HS3ST5: variants seen among roughly 807,000 people sequenced by gnomAD.
HS3ST5 encodes the protein heparan sulfate-glucosamine 3-sulfotransferase 5, also known as heparan sulfate glucosamine 3-O-sulfotransferase 5.
HS3ST5 carries 10 observed loss-of-function variants against 25.4 expected under a neutral mutation model. That is an observed-to-expected ratio of 0.39 (90% CI 0.24 to 0.67). The LOEUF (loss-of-function observed/expected upper bound fraction) is 0.67, where lower values mean the gene tolerates loss of function less well. Ranked by LOEUF, HS3ST5 falls within the 30% of genes least tolerant of loss-of-function variation. The probability of loss-of-function intolerance (pLI) is 0.44; values close to 1 mark genes in which losing one functional copy is unlikely to be tolerated. For synonymous variants in HS3ST5, 170 were observed against 162.4 expected, an observed-to-expected ratio of 1.05 and a Z score of -0.36; for missense variants, 324 against 420.7, an observed-to-expected ratio of 0.77 and a Z score of 2.01.
At chr6:114,217,427 A>G (rs1781823195) in intron 2 of HS3ST5, among the ~76,000 whole-genome samples, 3 of 152,232 alleles carry the variant, frequency 2.0e-5, no homozygotes, top group African/African-American at 7.2e-5. Flanking sequence ...CTATTCATAT[A>G]TAGTTATATA....
intron 3 of HS3ST5, among the ~76,000 whole-genome samples, chr6:114,157,827 G>GCATTT (rs540558260): frequency 2.4e-4 from 36 of 152,128 alleles, no homozygotes; most frequent in Non-Finnish European, 4.6e-4. Context: ...TGCTTTTTTA[G>GCATTT]CATTACCCCT....
At chr6:114,332,343 G>A (rs1027895019) in intron 1 of HS3ST5, among the ~76,000 whole-genome samples, 5 of 152,032 alleles carry the variant, frequency 3.3e-5, no homozygotes, top group African/African-American at 1.2e-4. Flanking sequence ...TAGCACACTC[G>A]ATACTGTTTG....
intron 3 of HS3ST5, among the ~76,000 whole-genome samples, chr6:114,129,035 A>G (rs984598): frequency 0.28 from 42,618 of 152,064 alleles, 6,713 homozygotes; most frequent in Admixed American, 0.4. Flanking sequence ...TTTATCATAC[A>G]TTTATTAAAC....
At chr6:114,276,378 T>G (rs955301640) in intron 1 of HS3ST5, among the ~76,000 whole-genome samples, 1 of 151,928 alleles carries the variant, frequency 6.6e-6, no homozygotes, top group Non-Finnish European at 1.5e-5. Flanking sequence ...AAAATGTTAT[T>G]TATATATTTA....
chr6:114,164,735 G>A (rs1379372235), intron 3 of HS3ST5, among the ~76,000 whole-genome samples: 1 of 152,066 alleles, frequency 6.6e-6, no homozygotes, highest in East Asian at 1.9e-4. Flanking sequence ...AGAAATTTGG[G>A]TAATTTTCTT....
chr6:114,140,036 T>A (rs1347611995), intron 3 of HS3ST5, among the ~76,000 whole-genome samples: 1 of 152,200 alleles, frequency 6.6e-6, no homozygotes, highest in Non-Finnish European at 1.5e-5. Context: ...AACCACTGGC[T>A]ACACTAGAGA....
chr6:114,200,672 C>G (rs568970780), intron 2 of HS3ST5, among the ~76,000 whole-genome samples: 1 of 151,988 alleles, frequency 6.6e-6, no homozygotes, highest in Non-Finnish European at 1.5e-5. Context: ...TAAAACTGTG[C>G]ACATTTTGAG....
intron 3 of HS3ST5, among the ~76,000 whole-genome samples, chr6:114,144,267 A>G (rs914655573): frequency 6.6e-6 from 1 of 152,184 alleles, no homozygotes; most frequent in African/African-American, 2.4e-5. Flanking sequence ...GCATTCCCAA[A>G]CATTGGCAGA....
At chr6:114,260,152 G>A (rs9488357) in intron 1 of HS3ST5, among the ~76,000 whole-genome samples, 5,857 of 151,606 alleles carry the variant, frequency 0.039, 174 homozygotes, top group African/African-American at 0.083. Flanking sequence ...ATATCATAAT[G>A]TTTCTCTTAT....
chr6:114,241,500 A>C (rs188607859), intron 1 of HS3ST5, among the ~76,000 whole-genome samples: 1 of 152,216 alleles, frequency 6.6e-6, no homozygotes, highest in Non-Finnish European at 1.5e-5. Context: ...AGAGAAAAAC[A>C]ACTTTTCCAT....
chr6:114,178,804 T>C (rs1395524454), intron 2 of HS3ST5: 1 of 152,014 alleles, frequency 6.6e-6, no homozygotes, highest in Non-Finnish European at 1.5e-5. Context: ...AGGAAGCCTT[T>C]AGAAAATAAG....
chr6:114,305,001 C>A (rs148922570), intron 1 of HS3ST5, among the ~76,000 whole-genome samples: 8 of 152,180 alleles, frequency 5.3e-5, no homozygotes, highest in East Asian at 1.9e-4. Context: ...GACAAGTAAT[C>A]ATTTCTTAAA....
At chr6:114,269,150 G>A (rs1042051477) in intron 1 of HS3ST5, among the ~76,000 whole-genome samples, 3 of 152,144 alleles carry the variant, frequency 2.0e-5, no homozygotes, top group South Asian at 2.1e-4. Flanking sequence ...TGTCAAGCAC[G>A]GTATTAGGCA....
intron 1 of HS3ST5, among the ~76,000 whole-genome samples, chr6:114,329,881 T>C (rs184956230): frequency 6.6e-6 from 1 of 152,298 alleles, no homozygotes; most frequent in East Asian, 1.9e-4. Context: ...ATAGAATTAG[T>C]AATTTGAGTT....
At chr6:114,092,193 C>G (rs1306893439) in intron 3 of HS3ST5, among the ~76,000 whole-genome samples, 1 of 152,182 alleles carries the variant, frequency 6.6e-6, no homozygotes, top group African/African-American at 2.4e-5. Context: ...TTTAAGATGA[C>G]AGTGCCCTTA....
chr6:114,327,142 T>C (rs1776205640), intron 1 of HS3ST5, among the ~76,000 whole-genome samples: 2 of 152,236 alleles, frequency 1.3e-5, no homozygotes, highest in African/African-American at 4.8e-5. Context: ...CAAACAATGA[T>C]GACACATTCT....
chr6:114,232,463 T>G (rs1392881837), intron 1 of HS3ST5, among the ~76,000 whole-genome samples: 1 of 152,190 alleles, frequency 6.6e-6, no homozygotes, highest in African/African-American at 2.4e-5. Context: ...AGTGCCAGGA[T>G]TACAGACATA....
At chr6:114,079,493 A>T (rs1443856911) in intron 3 of HS3ST5, among the ~76,000 whole-genome samples, 2 of 152,138 alleles carry the variant, frequency 1.3e-5, no homozygotes, top group Non-Finnish European at 2.9e-5. Flanking sequence ...ATTCAGTCAC[A>T]TCTTCAGATT....
At chr6:114,254,255 C>T (rs1772797165) in intron 1 of HS3ST5, among the ~76,000 whole-genome samples, 1 of 152,188 alleles carries the variant, frequency 6.6e-6, no homozygotes, top group African/African-American at 2.4e-5. Context: ...AGACCCTGAA[C>T]CTCCCAAATG....
Sources: gnomAD v4.1 joint callset for allele counts (sites outside exome capture counted in the v4.1 genomes callset) on GRCh38, gnomAD v4.1.1 for gene constraint, MANE v1.5 for transcripts, NCBI Gene and HGNC (gene_info 2026-07-23, HGNC 2026-07-21) for gene names.